The following NINL variants were observed in gnomAD, a reference collection of about 807,000 sequenced individuals.
NINL encodes the protein ninein-like protein.
A neutral mutation model predicts 160.3 loss-of-function variants in NINL; 153 were observed. The ratio of observed to expected loss-of-function variants is 0.95; its 90% confidence interval spans 0.84 to 1.09. The LOEUF is 1.09. Among genes scored for constraint, NINL ranks in the 50% least tolerant of loss-of-function variants. The pLI is 0.00. For synonymous variants in NINL, 800 were observed against 734.8 expected, an observed-to-expected ratio of 1.09 and a Z score of -1.43; for missense variants, 1,829 against 1,764.0, an observed-to-expected ratio of 1.04 and a Z score of -0.66.
chr20:25,456,525 G>A (rs1208210942), intron 22 of NINL, among the ~76,000 whole-genome samples: 1 of 151,460 alleles, frequency 6.6e-6, no homozygotes, highest in African/African-American at 2.4e-5. Flanking sequence ...TCCAGTCTGG[G>A]TGACAGAGCA....
chr20:25,499,037 T>C (rs1158898777), intron 8 of NINL: 11 of 985,350 alleles, frequency 1.1e-5, no homozygotes, highest in Non-Finnish European at 1.3e-5. Context: ...GCTTTCCACT[T>C]GTGGCTACAA....
At chr20:25,552,218 T>C (rs926845845) in intron 1 of NINL, among the ~76,000 whole-genome samples, 1 of 152,162 alleles carries the variant, frequency 6.6e-6, no homozygotes, top group Non-Finnish European at 1.5e-5. Flanking sequence ...TCATTTTTTT[T>C]TTCTTCCAAC....
At chr20:25,494,660 T>C (rs2063714035) in intron 10 of NINL, among the ~76,000 whole-genome samples, 1 of 152,210 alleles carries the variant, frequency 6.6e-6, no homozygotes, top group Admixed American at 6.5e-5. Flanking sequence ...CCCTATGGAC[T>C]GAACCATGTG....
chr20:25,476,454 G>C lies in NINL; in HGVS notation c.2837C>G (p.Thr946Arg), dbSNP rs1568869796. The C allele has an allele frequency of 6.2e-7, 1 of 1,608,154 alleles. No individual in the cohort carries two copies. Among genetic ancestry groups the C allele is most frequent in the East Asian group, 2.2e-5 (1 of 44,880 alleles). ...CTGGGTTTGCGAGGCGTCTCTCTCT[G>C]TTCCCAGCAGAGGCAGCTCCCGGGC... ...PGARELPLLG[T>R]ERDASQTQPR... Residue 946 changes from threonine to arginine, a missense_variant, in exon 17 of 24, where the codon ACA (threonine) becomes AGA (arginine). Thr to Arg is a moderately conservative substitution (Grantham distance 71, BLOSUM62 -1). Coordinates refer to ENST00000278886, the MANE Select transcript of NINL (RefSeq NM_025176.6).
At chr20:25,472,182 C>T (rs1481030744) in intron 17 of NINL, among the ~76,000 whole-genome samples, 1 of 151,604 alleles carries the variant, frequency 6.6e-6, no homozygotes, top group African/African-American at 2.4e-5. Flanking sequence ...GAAAGAGATA[C>T]TGACCTGGAA....
intron 1 of NINL, among the ~76,000 whole-genome samples, chr20:25,569,195 T>A (rs1600359234): frequency 7.2e-6 from 1 of 139,810 alleles, no homozygotes; most frequent in Admixed American, 7.5e-5. Flanking sequence ...GCCACTACAC[T>A]CCAGCCTGGG....
chr20:25,532,208 G>C (rs964010207), intron 1 of NINL, among the ~76,000 whole-genome samples: 42 of 152,336 alleles, frequency 2.8e-4, no homozygotes, highest in African/African-American at 1.0e-3. Flanking sequence ...GGGCCTACCA[G>C]TCCCTTCCAT....
intron 2 of NINL, among the ~76,000 whole-genome samples, chr20:25,518,068 T>C (rs189133936): frequency 1.3e-5 from 2 of 152,318 alleles, no homozygotes; most frequent in Admixed American, 1.3e-4. Context: ...AAATAAACAC[T>C]ATCAACAATT....
At position 25,467,224 on chromosome 20, in the gene NINL, G is replaced by A. The variant is rs57237389; in HGVS notation, c.3423+165C>T. ...GACTGGGGCAGGGGTCTTCACAGCC[G>A]TGTTTAGTGTCTGACTTTGATGGGG... On this transcript the variant is annotated intron_variant, in intron 19 of 23. Coordinates refer to ENST00000278886, the MANE Select transcript of NINL (RefSeq NM_025176.6). Among the ~76,000 whole-genome samples the A allele has an allele frequency of 6.8e-3, 1,042 of 152,364 alleles. 18 individuals are homozygous for A. Among genetic ancestry groups the A allele is most frequent in the African/African-American group, 0.024 (1,000 of 41,584 alleles).
intron 22 of NINL, among the ~76,000 whole-genome samples, chr20:25,458,053 T>C (rs2090736072): frequency 1.3e-5 from 2 of 152,094 alleles, no homozygotes; most frequent in Admixed American, 6.5e-5. Context: ...CACCCTCTGC[T>C]CTCTGCCCTC....
chr20:25,496,803 T>G lies in NINL; in HGVS notation c.1170A>C (p.Gln390His), dbSNP rs2063765068. 1.9e-6 allele frequency: 3 copies of G among 1,613,570 alleles called. No homozygotes were observed. Among genetic ancestry groups the G allele is most frequent in the African/African-American group, 1.3e-5 (1 of 74,898 alleles). The change falls in exon 10 of 24, where the codon CAA becomes CAC. Residue 390 changes from glutamine (Q) to histidine (H), a missense_variant and splice_region_variant. Transcript: ENST00000278886. Reference protein sequence around the residue: ...ACYHQELSYQQGQVEQLARER... With the variant: ...ACYHQELSYQHGQVEQLARER... ...CCCTTGCCAGCTGCTCCACCTGCCC[T>G]CTGCCACAGGAAGGAGACAGGGTCA...
chr20:25,464,447 CACA>C (rs1002366622), intron 19 of NINL, among the ~76,000 whole-genome samples: 7 of 147,724 alleles, frequency 4.7e-5, no homozygotes. Context: ...CAAACAAACA[CACA>C]ACAAACTCTT....
Position 25,476,066 on chromosome 20 carries a change from A to G in NINL, c.3225T>C (p.His1075=), listed in dbSNP as rs34878592. ...LEDVVRALEK[H]VDLRENDRLE... ...ACCTGTCGTTCTCTCTCAAATCTAC[A>G]TGTTTCTCCAGAGCCCGGACGACGT... is the stretch of plus-strand genomic sequence containing the variant. The change falls in exon 17 of 24, where the codon CAT becomes CAC. Residue 1075 remains histidine, a synonymous_variant. Coordinates refer to ENST00000278886, the MANE Select transcript of NINL (RefSeq NM_025176.6). The G allele has an allele frequency of 2.5e-4, 402 of 1,613,396 alleles. 2 individuals are homozygous for G. In the African/African-American group the frequency reaches 4.4e-3, roughly 18 times the overall value.
At chr20:25,564,141 T>TTTTTTTC (rs2064974368) in intron 1 of NINL, among the ~76,000 whole-genome samples, 1 of 151,646 alleles carries the variant, frequency 6.6e-6, no homozygotes, top group South Asian at 2.1e-4. Context: ...GTGGCTTTTT[T>TTTTTTTC]TTTTTTCTTT....
In NINL at chr20:25,571,867, GAAAAAAAAA is replaced by G. The variant is rs10536325; in HGVS notation, c.-12+13579_-12+13587del. 3.4e-3 allele frequency among the ~76,000 whole-genome samples: 143 copies of G among 41,562 alleles called. 1 individual carries two copies. Among genetic ancestry groups the G allele is most frequent in the African/African-American group, 0.011 (138 of 12,726 alleles). 27.3% of individuals were successfully genotyped at this position (41,562 alleles called of 152,430 possible). On this transcript the variant is annotated intron_variant, in intron 1 of 23. Coordinates refer to ENST00000278886, the MANE Select transcript of NINL (RefSeq NM_025176.6). Reference sequence around the variant, plus strand: ...TGGTCAAGAGAGTGAGACTCTGTCTGAAAAAAAAAAAAAAAAAAAAAAAAAAGGTTGCTT... The same window carrying G: ...TGGTCAAGAGAGTGAGACTCTGTCTGAAAAAAAAAAAAAAAAAGGTTGCTT...
At chr20:25,458,695 C>A (rs981006151) in intron 21 of NINL, 166 bp from the exon 22 acceptor site, 13 of 729,280 alleles carry the variant, frequency 1.8e-5, no homozygotes, top group Admixed American at 3.0e-5. Flanking sequence ...CTTTGGAATT[C>A]GGACAGCCAG....
chr20:25,454,850 T>C (rs2090627736), intron 23 of NINL, among the ~76,000 whole-genome samples: 1 of 152,172 alleles, frequency 6.6e-6, no homozygotes, highest in Non-Finnish European at 1.5e-5. Context: ...TGGTCTTTGC[T>C]CCTTACAGTA....
At position 25,476,906 on chromosome 20, in the gene NINL, G is replaced by A. The variant is rs369748114; in HGVS notation, c.2385C>T (p.Arg795=). ...GGGCCAACGATACGCACATCTGGGC[G>A]CGCTTCTCGCTCGCACAGGGCTGCA... ...LKLQPCASEK[R]AQMCVSLALE... The change falls in exon 17 of 24, where the codon CGC becomes CGT. Residue 795 remains arginine, a synonymous_variant. Coordinates refer to ENST00000278886, the MANE Select transcript of NINL (RefSeq NM_025176.6). 182 of 1,612,922 alleles carry A rather than the reference G, an allele frequency of 1.1e-4. 3 individuals carry two copies. The highest frequency in any genetic ancestry group is 8.9e-4 in the East Asian group (40 of 44,836).
intron 1 of NINL, among the ~76,000 whole-genome samples, chr20:25,532,486 G>C (rs1222206181): frequency 6.6e-6 from 1 of 152,342 alleles, no homozygotes; most frequent in African/African-American, 2.4e-5. Context: ...AAGGGGATCT[G>C]CAGCTCTGCT....
Sources: allele counts gnomAD v4.1 joint callset (sites outside exome capture counted in the v4.1 genomes callset), GRCh38; gene constraint gnomAD v4.1.1; transcripts MANE v1.5; gene names NCBI Gene and HGNC (gene_info 2026-07-23, HGNC 2026-07-21).